Variants in ZMAT4 observed in about 807,000 individuals in gnomAD.
ZMAT4 encodes the protein zinc finger matrin-type protein 4.
In ZMAT4, 17 loss-of-function variants were observed where a neutral mutation model predicts 28.7. The observed-to-expected ratio is 0.59, with a 90% CI of 0.41 to 0.89. The LOEUF (loss-of-function observed/expected upper bound fraction) is 0.89. ZMAT4 is among the 40% of genes least tolerant of loss of function. The pLI is 0.00. For missense variants in ZMAT4, 240 were observed against 283.8 expected, an observed-to-expected ratio of 0.85 and a Z score of 1.11; for synonymous variants, 117 against 109.2, an observed-to-expected ratio of 1.07 and a Z score of -0.44.
chr8:40,544,948 G>A (rs1419404112), intron 6 of ZMAT4, among the ~76,000 whole-genome samples: 1 of 152,092 alleles, frequency 6.6e-6, no homozygotes, highest in Non-Finnish European at 1.5e-5. Context: ...CTAACAAATA[G>A]CATATGAATC....
At chr8:40,771,666 A>G (rs1813394112) in intron 2 of ZMAT4, among the ~76,000 whole-genome samples, 2 of 152,240 alleles carry the variant, frequency 1.3e-5, no homozygotes, top group African/African-American at 4.8e-5. Flanking sequence ...CAAGAGCAAT[A>G]TATGCTACTT....
chr8:40,676,390 G>A (rs12375383), intron 4 of ZMAT4, among the ~76,000 whole-genome samples: 38,132 of 151,988 alleles, frequency 0.25, 5,255 homozygotes, highest in African/African-American at 0.37. Flanking sequence ...ATTCTCACAT[G>A]GGCCATTAGT....
intron 1 of ZMAT4, among the ~76,000 whole-genome samples, chr8:40,863,394 T>G (rs1206529575): frequency 6.6e-6 from 1 of 152,142 alleles, no homozygotes; most frequent in African/African-American, 2.4e-5. Context: ...GAAATCAGTA[T>G]GAAGTGGAAT....
intron 2 of ZMAT4, among the ~76,000 whole-genome samples, chr8:40,800,684 TTAAGA>T (rs1291444292): frequency 1.3e-5 from 2 of 151,972 alleles, no homozygotes; most frequent in East Asian, 3.9e-4. Context: ...AAGAAACACT[TTAAGA>T]TATTTTGAAC....
chr8:40,735,753 A>G (rs945240214), intron 3 of ZMAT4, among the ~76,000 whole-genome samples: 1 of 152,196 alleles, frequency 6.6e-6, no homozygotes, highest in Non-Finnish European at 1.5e-5. Context: ...GTGTCTCACT[A>G]TTAAGACACT....
rs1015650813 is a variant in ZMAT4 at position 40,538,759 on chromosome 8, T to C, written c.675-6521A>G. Among the ~76,000 whole-genome samples, 39 of 152,074 alleles carry C rather than the reference T, an allele frequency of 2.6e-4. 1 individual carries two copies. Among genetic ancestry groups the C allele is most frequent in the Non-Finnish European group, 1.3e-4 (9 of 68,006 alleles). ...TTCTAATTAGAACTTTCTTTTATTG[T>C]TTCCTTTATTGCATTTTTCTTTCTC... On this transcript the variant is annotated intron_variant, in intron 6 of 6. Coordinates refer to ENST00000297737, the MANE Select transcript of ZMAT4 (RefSeq NM_024645.3).
intron 2 of ZMAT4, among the ~76,000 whole-genome samples, chr8:40,799,157 G>A (rs1030415487): frequency 9.9e-5 from 15 of 151,150 alleles, no homozygotes; most frequent in Non-Finnish European, 2.2e-4. Flanking sequence ...CTGGCTGGCT[G>A]GATGGATGGA....
At chr8:40,537,269 C>G (rs1438825398) in intron 6 of ZMAT4, among the ~76,000 whole-genome samples, 5 of 152,234 alleles carry the variant, frequency 3.3e-5, no homozygotes, top group African/African-American at 1.2e-4. Flanking sequence ...GAATGGGGTT[C>G]AGTTGACACC....
chr8:40,800,986 G>T (rs763911088), intron 2 of ZMAT4, among the ~76,000 whole-genome samples: 6 of 151,522 alleles, frequency 4.0e-5, no homozygotes, highest in Non-Finnish European at 8.8e-5. Flanking sequence ...GCAAAGCTAA[G>T]AACAAAAAAG....
chr8:40,596,791 T>C (rs1585733617), intron 5 of ZMAT4, among the ~76,000 whole-genome samples: 1 of 152,230 alleles, frequency 6.6e-6, no homozygotes, highest in African/African-American at 2.4e-5. Context: ...GAGTTGCCCA[T>C]GTGCAAGTAG....
intron 1 of ZMAT4, among the ~76,000 whole-genome samples, chr8:40,885,121 T>C (rs1230499674): frequency 6.6e-6 from 1 of 152,114 alleles, no homozygotes; most frequent in African/African-American, 2.4e-5. Flanking sequence ...GTCTCTGAAC[T>C]CCAGACCAAA....
At chr8:40,803,690 A>G (rs1227677825) in intron 2 of ZMAT4, among the ~76,000 whole-genome samples, 1 of 152,180 alleles carries the variant, frequency 6.6e-6, no homozygotes, top group Admixed American at 6.5e-5. Flanking sequence ...AAAACTAACC[A>G]TACTCCTTCC....
intron 2 of ZMAT4, among the ~76,000 whole-genome samples, chr8:40,774,551 T>C (rs1210918706): frequency 6.6e-6 from 1 of 152,042 alleles, no homozygotes; most frequent in Non-Finnish European, 1.5e-5. Context: ...GTATTTCCAT[T>C]TATTTATAGT....
At chr8:40,627,702 T>G (rs570063371) in intron 5 of ZMAT4, among the ~76,000 whole-genome samples, 2 of 152,372 alleles carry the variant, frequency 1.3e-5, no homozygotes, top group East Asian at 3.9e-4. Context: ...TTCAGCTTGC[T>G]TATTCAGATT....
At chr8:40,657,798 G>T (rs1026247566) in intron 5 of ZMAT4, among the ~76,000 whole-genome samples, 1 of 152,140 alleles carries the variant, frequency 6.6e-6, no homozygotes, top group South Asian at 2.1e-4. Flanking sequence ...CAGTTTCCAA[G>T]AACTTATTGA....
At chr8:40,820,243 C>G (rs115859601) in intron 2 of ZMAT4, among the ~76,000 whole-genome samples, 18 of 137,730 alleles carry the variant, frequency 1.3e-4, no homozygotes, top group African/African-American at 4.9e-4. Context: ...TGTACGTGTG[C>G]GCATATATGT....
intron 1 of ZMAT4, among the ~76,000 whole-genome samples, chr8:40,828,875 C>T (rs1401043883): frequency 3.3e-5 from 5 of 152,048 alleles, no homozygotes; most frequent in Admixed American, 6.5e-5. Context: ...ATGTCACTTG[C>T]TCCCCTCCCC....
intron 2 of ZMAT4, among the ~76,000 whole-genome samples, chr8:40,783,649 A>G (rs1813938085): frequency 6.6e-6 from 1 of 152,168 alleles, no homozygotes; most frequent in South Asian, 2.1e-4. Context: ...AACATAAGAG[A>G]TGCATATCTA....
chr8:40,806,593 T>C (rs1815093163), intron 2 of ZMAT4, among the ~76,000 whole-genome samples: 1 of 152,218 alleles, frequency 6.6e-6, no homozygotes, highest in African/African-American at 2.4e-5. Flanking sequence ...GTTCTTTATA[T>C]TATTTTCACA....
Sources: allele counts gnomAD v4.1 joint callset (sites outside exome capture counted in the v4.1 genomes callset), GRCh38; gene constraint gnomAD v4.1.1; transcripts MANE v1.5; gene names NCBI Gene and HGNC (gene_info 2026-07-23, HGNC 2026-07-21).